Variants in FAM78B observed in about 807,000 individuals in gnomAD.
The protein encoded by FAM78B is protein FAM78B.
Under a neutral mutation model 20.0 loss-of-function variants are expected in FAM78B, and 10 were observed. That is an observed-to-expected ratio of 0.50 (90% CI 0.31 to 0.85). The LOEUF (loss-of-function observed/expected upper bound fraction) is 0.85, where lower values mean the gene tolerates loss of function less well. Among genes scored for constraint, FAM78B ranks in the 40% least tolerant of loss-of-function variants. The pLI is 0.05. For synonymous variants in FAM78B, 135 were observed against 132.8 expected (o/e 1.02, Z -0.12); for missense variants, 283 against 345.0 (o/e 0.82, Z 1.42).
intron 1 of FAM78B, among the ~76,000 whole-genome samples, chr1:166,090,436 A>G (rs888264717): frequency 6.6e-6 from 1 of 152,180 alleles, no homozygotes; most frequent in Non-Finnish European, 1.5e-5. Flanking sequence ...AAAACAAAAC[A>G]GGGGAAGTAG....
intron 1 of FAM78B, among the ~76,000 whole-genome samples, chr1:166,099,439 TA>T (rs1653416132): frequency 6.6e-6 from 1 of 152,150 alleles, no homozygotes; most frequent in Admixed American, 6.5e-5. Context: ...ACATTGAACG[TA>T]AATGGTCTAA....
chr1:166,153,482 G>C (rs970168821), intron 1 of FAM78B, among the ~76,000 whole-genome samples: 7 of 152,202 alleles, frequency 4.6e-5, no homozygotes, highest in African/African-American at 1.4e-4. Context: ...AGGGCCAATC[G>C]ATCAGACAGG....
chr1:166,117,355 T>C (rs1017869457), intron 1 of FAM78B, among the ~76,000 whole-genome samples: 1 of 152,170 alleles, frequency 6.6e-6, no homozygotes, highest in African/African-American at 2.4e-5. Context: ...ACTTTTTCTC[T>C]TTTTTTCTTT....
chr1:166,126,827 T>TA (rs1433803691), intron 1 of FAM78B, among the ~76,000 whole-genome samples: 3 of 152,206 alleles, frequency 2.0e-5, no homozygotes, highest in Non-Finnish European at 4.4e-5. Flanking sequence ...CAAGGTGACA[T>TA]AACCAAGTAT....
Position 166,084,945 on chromosome 1 carries a change from C to A in FAM78B, c.264-14182G>T, listed in dbSNP as rs140471438. Among the ~76,000 whole-genome samples the A allele has an allele frequency of 3.9e-5, 6 of 152,360 alleles. No homozygotes were observed. The East Asian group carries it at 1.2e-3, about 29-fold the overall frequency. ...ATAAAAGGCCTTAACACCGTGAACA[C>A]CTAATGCCTTTCTTCTTATTTTTTT... is the stretch of plus-strand genomic sequence containing the variant. On this transcript the variant is annotated intron_variant, in intron 1 of 1. Transcript: ENST00000354422.
At chr1:166,092,635 C>G (rs1346261440) in intron 1 of FAM78B, among the ~76,000 whole-genome samples, 1 of 152,202 alleles carries the variant, frequency 6.6e-6, no homozygotes, top group Non-Finnish European at 1.5e-5. Context: ...GCTGGCTGTG[C>G]CCACCCAGAA....
At chr1:166,074,440 C>G (rs919025957) in intron 1 of FAM78B, among the ~76,000 whole-genome samples, 1 of 152,194 alleles carries the variant, frequency 6.6e-6, no homozygotes, top group Admixed American at 6.5e-5. Context: ...ATCTGTATGT[C>G]TTTCTCATTA....
chr1:166,084,237 A>ACACTCTCTCTCTCTCTCTCTCTCTCT (rs771421402), intron 1 of FAM78B, among the ~76,000 whole-genome samples: 1 of 125,416 alleles, frequency 8.0e-6, no homozygotes, highest in Admixed American at 8.3e-5. Context: ...ACACACACAC[A>ACACTCTCTCTCTCTCTCTCTCTCTCT]CTCTCTCTCT....
At chr1:166,120,979 G>A (rs1271618528) in intron 1 of FAM78B, among the ~76,000 whole-genome samples, 3 of 152,224 alleles carry the variant, frequency 2.0e-5, no homozygotes, top group Non-Finnish European at 4.4e-5. Flanking sequence ...TCTGGATGTT[G>A]TCACCAGAGC....
At chr1:166,123,013 G>A (rs1654516109) in intron 1 of FAM78B, among the ~76,000 whole-genome samples, 1 of 152,146 alleles carries the variant, frequency 6.6e-6, no homozygotes, top group Non-Finnish European at 1.5e-5. Context: ...TCAATCAGGG[G>A]CTACTCTAAG....
At chr1:166,128,338 GA>G (rs1341953057) in intron 1 of FAM78B, among the ~76,000 whole-genome samples, 1 of 152,196 alleles carries the variant, frequency 6.6e-6, no homozygotes, top group African/African-American at 2.4e-5. Flanking sequence ...TGCAGCAAGA[GA>G]AAGAAGAGAT....
At chr1:166,086,204 C>T (rs912474334) in intron 1 of FAM78B, among the ~76,000 whole-genome samples, 1 of 152,066 alleles carries the variant, frequency 6.6e-6, no homozygotes, top group Admixed American at 6.6e-5. Context: ...ACCTTTGACC[C>T]CTCTTCCTGG....
At chr1:166,138,530 T>C (rs2101786466) in intron 1 of FAM78B, among the ~76,000 whole-genome samples, 1 of 152,288 alleles carries the variant, frequency 6.6e-6, no homozygotes, top group East Asian at 1.9e-4. Context: ...TGATTTGGCT[T>C]AGTGGTGTTA....
intron 1 of FAM78B, among the ~76,000 whole-genome samples, chr1:166,143,951 G>A (rs1038205797): frequency 6.6e-6 from 1 of 152,126 alleles, no homozygotes; most frequent in Non-Finnish European, 1.5e-5. Context: ...CCTCCAGAAT[G>A]TCCTTAGGAG....
chr1:166,164,394 A>G (rs770447423), intron 1 of FAM78B, among the ~76,000 whole-genome samples: 7 of 152,256 alleles, frequency 4.6e-5, no homozygotes, highest in African/African-American at 7.2e-5. Flanking sequence ...TTTAAGAGAC[A>G]CATGTGTTCA....
At position 166,109,904 on chromosome 1, in the gene FAM78B, A is replaced by G. The variant is rs1242245112; in HGVS notation, c.264-39141T>C. Among the ~76,000 whole-genome samples, 73 of 81,194 alleles carry G rather than the reference A, an allele frequency of 9.0e-4. 6 individuals carry two copies. The East Asian group carries it at 9.4e-3, about 10-fold the overall frequency. 53.3% of individuals were successfully genotyped at this position (81,194 alleles called of 152,430 possible). On this transcript the variant is annotated intron_variant, in intron 1 of 1. Coordinates refer to ENST00000354422, the MANE Select transcript of FAM78B (RefSeq NM_001017961.5). ...TATGTATATATGTATATATATATATATATATATATATATATAATGGAATAC... is the reference window on the plus strand; with the variant it reads ...TATGTATATATGTATATATATATATGTATATATATATATATAATGGAATAC...
At chr1:166,121,082 T>C (rs1158282748) in intron 1 of FAM78B, among the ~76,000 whole-genome samples, 2 of 152,004 alleles carry the variant, frequency 1.3e-5, no homozygotes, top group Non-Finnish European at 2.9e-5. Context: ...CCTCGGGCAA[T>C]TTTTTTTAAA....
At chr1:166,095,932 A>C (rs1271137349) in intron 1 of FAM78B, among the ~76,000 whole-genome samples, 1 of 152,218 alleles carries the variant, frequency 6.6e-6, no homozygotes, top group Non-Finnish European at 1.5e-5. Context: ...AGGAAGCTGC[A>C]GACAGAAATG....
intron 1 of FAM78B, among the ~76,000 whole-genome samples, chr1:166,077,401 A>T (rs1652315674): frequency 6.6e-6 from 1 of 152,072 alleles, no homozygotes; most frequent in South Asian, 2.1e-4. Flanking sequence ...ATTAAATGAG[A>T]TAATGAATGG....
Sources: gnomAD v4.1 joint callset for allele counts (sites outside exome capture counted in the v4.1 genomes callset) on GRCh38, gnomAD v4.1.1 for gene constraint, MANE v1.5 for transcripts, NCBI Gene and HGNC (gene_info 2026-07-23, HGNC 2026-07-21) for gene names.